The following TTF2 variants were observed in gnomAD, a reference collection of about 807,000 sequenced individuals.
The protein encoded by TTF2 is transcription termination factor 2.
Under a neutral mutation model 142.4 loss-of-function variants are expected in TTF2, and 108 were observed. That is an observed-to-expected ratio of 0.76 (90% CI 0.65 to 0.89). TTF2 has a LOEUF of 0.89. Ranked by LOEUF, TTF2 falls within the 40% of genes least tolerant of loss-of-function variation. TTF2 has a pLI of 0.00. For synonymous variants in TTF2, 483 were observed against 506.2 expected (o/e 0.95, Z 0.61); for missense variants, 1,327 against 1,379.8 (o/e 0.96, Z 0.61).
At chr1:117,060,959 G>A (rs1655630759) in intron 2 of TTF2, among the ~76,000 whole-genome samples, 1 of 152,176 alleles carries the variant, frequency 6.6e-6, no homozygotes, top group Non-Finnish European at 1.5e-5. Context: ...TTTTGCACTA[G>A]TTTTAGGCCC....
Position 117,097,893 on chromosome 1 carries a change from C to G in TTF2, c.3269+460C>G, listed in dbSNP as rs1441611589. 2.6e-5 allele frequency among the ~76,000 whole-genome samples: 4 copies of G among 152,096 alleles called. No homozygotes were observed. The highest frequency in any genetic ancestry group is 2.6e-4 in the Admixed American group (4 of 15,280). ...GTTAGAAATACACTTAATACCTCACCCTTGGATTCATTGTATGTAGTGTTA... is the reference window on the plus strand; with the variant it reads ...GTTAGAAATACACTTAATACCTCACGCTTGGATTCATTGTATGTAGTGTTA... On this transcript the variant is annotated intron_variant, in intron 21 of 22. Coordinates refer to ENST00000369466, the MANE Select transcript of TTF2 (RefSeq NM_003594.4). The surrounding 1 kb of genome is among the most constrained non-coding windows in gnomAD (Gnocchi z 4.1).
At chr1:117,081,972 T>A in intron 10 of TTF2, 25 bp downstream of exon 10, 1 of 1,613,766 alleles carries the variant, frequency 6.2e-7, no homozygotes, top group Non-Finnish European at 8.5e-7. Flanking sequence ...CTTAATAGCC[T>A]GCCATTCCCT....
chr1:117,083,934 G>C lies in TTF2; in HGVS notation c.1904-84G>C. ...TGAGACAGCCTGGGTAACACAGCAA[G>C]ACCGTGTCTCCATATATTAAAAAAG... On this transcript the variant is annotated intron_variant, in intron 10 of 22. Transcript: ENST00000369466. 7 of 1,510,022 alleles carry C rather than the reference G, an allele frequency of 4.6e-6. No homozygotes were observed. In the South Asian group the frequency reaches 8.5e-5, roughly 18 times the overall value. The allele number at this position is 1,510,022 out of a possible 1,614,324, so 93.5% of individuals were successfully genotyped here.
chr1:117,082,076 A>T, intron 10 of TTF2, 129 bp downstream of exon 10: 1 of 1,303,356 alleles, frequency 7.7e-7, no homozygotes. Context: ...CCAGTATTAG[A>T]TTACTCACCT....
intron 8 of TTF2, among the ~76,000 whole-genome samples, chr1:117,078,337 GA>G (rs1040987593): frequency 1.3e-5 from 2 of 152,202 alleles, no homozygotes; most frequent in African/African-American, 4.8e-5. Context: ...TAGTTGGGGT[GA>G]AAATACATAT....
Position 117,081,904 on chromosome 1 carries a change from A to AGG in TTF2, c.1861_1862insGG (p.Glu621GlyfsTer9). ...CCCAGAAGAATCAAGAGAAAAAGGA[A>AGG]GAAAAGGAGAAAAGCACAGCTTTGA... is the stretch of plus-strand genomic sequence containing the variant. On this transcript the variant is annotated frameshift_variant, in exon 10 of 23. Coordinates refer to ENST00000369466, the MANE Select transcript of TTF2 (RefSeq NM_003594.4). LOFTEE classifies it high-confidence loss of function. 6.2e-7 allele frequency: 1 copy of AGG among 1,614,220 alleles called. No individual in the cohort carries two copies. Among genetic ancestry groups the AGG allele is most frequent in the South Asian group, 1.1e-5 (1 of 91,080 alleles).
At chr1:117,071,600 G>T (rs1008669343) in intron 3 of TTF2, among the ~76,000 whole-genome samples, 1 of 150,966 alleles carries the variant, frequency 6.6e-6, no homozygotes, top group African/African-American at 2.4e-5. Flanking sequence ...AATACTTATT[G>T]ATTGAATACT....
chr1:117,072,374 A>G (rs1557805539), intron 3 of TTF2, among the ~76,000 whole-genome samples: 1 of 147,312 alleles, frequency 6.8e-6, no homozygotes, highest in Admixed American at 6.8e-5. Context: ...CCCAGATAAC[A>G]TTATTTCATC....
At chr1:117,081,347 A>G (rs2101061600) in intron 9 of TTF2, among the ~76,000 whole-genome samples, 1 of 152,378 alleles carries the variant, frequency 6.6e-6, no homozygotes, top group Non-Finnish European at 1.5e-5. Flanking sequence ...AGTGATTGGT[A>G]CAATGACAGT....
chr1:117,084,259 A>C, intron 11 of TTF2, 91 bp downstream of exon 11: 5 of 1,499,296 alleles, frequency 3.3e-6, no homozygotes, highest in Non-Finnish European at 3.7e-6. Flanking sequence ...ATTTCACTTA[A>C]TCAGGACGCG....
At position 117,063,704 on chromosome 1, in the gene TTF2, G is replaced by A. The variant is rs1655864226; in HGVS notation, c.218+1231G>A. On this transcript the variant is annotated intron_variant, in intron 3 of 22. Coordinates refer to ENST00000369466, the MANE Select transcript of TTF2 (RefSeq NM_003594.4). The surrounding 1 kb of genome is among the most constrained non-coding windows in gnomAD (Gnocchi z 4.1). ...TTTTTTGCATTGAAATTTTTATCAAGTAGTTTTAGATTCACATACAGTTGT... is the reference window on the plus strand; with the variant it reads ...TTTTTTGCATTGAAATTTTTATCAAATAGTTTTAGATTCACATACAGTTGT... Among the ~76,000 whole-genome samples the A allele has an allele frequency of 6.6e-6, 1 of 152,060 alleles. No homozygotes were observed. The highest frequency in any genetic ancestry group is 2.4e-5 in the African/African-American group (1 of 41,374).
chr1:117,098,602 C>T (rs1297330696), intron 21 of TTF2: 1 of 435,606 alleles, frequency 2.3e-6, no homozygotes, highest in Admixed American at 3.8e-5. Context: ...TAGCTTAGGA[C>T]AGGGATCGAC....
chr1:117,062,894 G>T (rs1479590441), intron 3 of TTF2, among the ~76,000 whole-genome samples: 1 of 152,164 alleles, frequency 6.6e-6, no homozygotes, highest in African/African-American at 2.4e-5. Flanking sequence ...GAAGTCTATA[G>T]AGCTGGGAGA....
chr1:117,090,287 T>C lies in TTF2; in HGVS notation c.2496+79T>C, dbSNP rs912385440. The C allele has an allele frequency of 6.5e-7, 1 of 1,543,156 alleles. No homozygotes were observed. The highest frequency in any genetic ancestry group is 1.4e-5 in the African/African-American group (1 of 72,532). On this transcript the variant is annotated intron_variant, in intron 14 of 22. Transcript: ENST00000369466. This position sits in a 1 kb window ranked among gnomAD's most constrained non-coding sequence, Gnocchi z 4.8. ...GTCCTTGTCTTGGGTTGAACAGCCA[T>C]CTGCTTTGCTTCAGGAGCCTCTGAG...
Position 117,076,436 on chromosome 1 carries a change from C to A in TTF2, c.1390+142C>A. 1 of 899,114 alleles carries A rather than the reference C, an allele frequency of 1.1e-6. No homozygotes were observed. Among genetic ancestry groups the A allele is most frequent in the Non-Finnish European group, 1.7e-6 (1 of 596,140 alleles). 55.7% of individuals were successfully genotyped at this position (899,114 alleles called of 1,614,324 possible). ...TTCTGAGACTTCTTTCACATTACAC[C>A]TATGGTTCATAAAAAACTTTCTCCT... is the stretch of plus-strand genomic sequence containing the variant. On this transcript the variant is annotated intron_variant, in intron 6 of 22. Transcript: ENST00000369466. The surrounding 1 kb of genome is among the most constrained non-coding windows in gnomAD (Gnocchi z 4.6).
chr1:117,063,649 C>T lies in TTF2; in HGVS notation c.218+1176C>T, dbSNP rs554135643. ...GTGCCTATTTGCCATCAGAAAATCT[C>T]GACGTTATCTGTTTAAATATTTTAT... On this transcript the variant is annotated intron_variant, in intron 3 of 22. Coordinates refer to ENST00000369466, the MANE Select transcript of TTF2 (RefSeq NM_003594.4). This position sits in a 1 kb window ranked among gnomAD's most constrained non-coding sequence, Gnocchi z 4.1. 5.3e-5 allele frequency among the ~76,000 whole-genome samples: 8 copies of T among 152,108 alleles called. No individual in the cohort carries two copies. Among genetic ancestry groups the T allele is most frequent in the Non-Finnish European group, 8.8e-5 (6 of 68,022 alleles).
rs1375644162 is a variant in TTF2 at position 117,090,731 on chromosome 1, A to G, written c.2588+108A>G. The G allele has an allele frequency of 5.6e-6, 5 of 885,994 alleles. No individual in the cohort carries two copies. In the Admixed American group the frequency reaches 7.7e-5, roughly 14 times the overall value. The allele number at this position is 885,994 out of a possible 1,614,324, so 54.9% of individuals were successfully genotyped here. A position where few individuals can be genotyped will look rare whatever the true frequency, so the allele number is the denominator to read the frequency against. ...CACAAACTTTATGGCATTATTGATT[A>G]GTTGGATGTCTGTATTCCCTTTTTT... On this transcript the variant is annotated intron_variant, in intron 15 of 22. Transcript: ENST00000369466. The surrounding 1 kb of genome is among the most constrained non-coding windows in gnomAD (Gnocchi z 4.8).
At chr1:117,071,358 G>A (rs1656560481) in intron 3 of TTF2, among the ~76,000 whole-genome samples, 1 of 151,930 alleles carries the variant, frequency 6.6e-6, no homozygotes, top group Admixed American at 6.6e-5. Flanking sequence ...TTACATATAT[G>A]TTATTATAGA....
chr1:117,062,575 A>T lies in TTF2; in HGVS notation c.218+102A>T, dbSNP rs1401059215. ...GTATTAGGATTGTTCTTTAAAAGTC[A>T]TTTTAAAAAACAAAATTTGTATATG... On this transcript the variant is annotated intron_variant, in intron 3 of 22. Coordinates refer to ENST00000369466, the MANE Select transcript of TTF2 (RefSeq NM_003594.4). The T allele has an allele frequency of 4.2e-6, 5 of 1,186,440 alleles. No homozygotes were observed. The East Asian group carries it at 1.4e-4, about 32-fold the overall frequency. The allele number at this position is 1,186,440 out of a possible 1,614,324, so 73.5% of individuals were successfully genotyped here.
Sources: gnomAD v4.1 joint callset for allele counts (sites outside exome capture counted in the v4.1 genomes callset) on GRCh38, gnomAD v4.1.1 for gene constraint, Gnocchi (gnomAD v3.1) non-coding constraint, MANE v1.5 for transcripts, NCBI Gene and HGNC (gene_info 2026-07-23, HGNC 2026-07-21) for gene names.